The following RALYL variants were observed in gnomAD, a reference collection of about 807,000 sequenced individuals.
RALYL encodes the protein RNA-binding Raly-like protein.
In RALYL, 29 loss-of-function variants were observed where a neutral mutation model predicts 35.1. The observed-to-expected ratio is 0.83, with a 90% confidence interval of 0.61 to 1.13. The LOEUF (loss-of-function observed/expected upper bound fraction) is 1.13, where lower values mean the gene tolerates loss of function less well. RALYL is among the 50% of genes most tolerant of loss of function. The probability of loss-of-function intolerance (pLI) is 0.00; values close to 1 mark genes in which losing one functional copy is unlikely to be tolerated. For synonymous variants in RALYL, 120 were observed against 127.6 expected (o/e 0.94, Z 0.40); for missense variants, 359 against 360.4 (o/e 1.00, Z 0.03).
intron 2 of RALYL, among the ~76,000 whole-genome samples, chr8:84,665,327 G>T (rs1452355073): frequency 6.6e-6 from 1 of 151,896 alleles, no homozygotes; most frequent in Non-Finnish European, 1.5e-5. Flanking sequence ...GATGATTCTG[G>T]CCTCATAGAA....
chr8:84,494,645 TTC>T (rs1316208348), intron 1 of RALYL, among the ~76,000 whole-genome samples: 1 of 152,140 alleles, frequency 6.6e-6, no homozygotes. Context: ...AGATATTTTA[TTC>T]TCTTTGTAGC....
intron 2 of RALYL, among the ~76,000 whole-genome samples, chr8:84,609,602 G>A (rs1285808052): frequency 2.0e-5 from 3 of 152,094 alleles, no homozygotes; most frequent in Non-Finnish European, 2.9e-5. Flanking sequence ...TTTTTAAAAC[G>A]ATTTTTTGAA....
chr8:84,188,893 T>G (rs1813180349), intron 1 of RALYL, among the ~76,000 whole-genome samples: 1 of 152,210 alleles, frequency 6.6e-6, no homozygotes, highest in African/African-American at 2.4e-5. Flanking sequence ...TGTGTTTTTC[T>G]AAATTCTTCC....
Position 84,215,040 on chromosome 8 carries a change from G to A in RALYL, c.-24+30616G>A, listed in dbSNP as rs60249739. ...CCTGCCTCAGCCTCCCGAGTACCTG[G>A]GACTACAGGCACCCGCCACTGTGCC... is the stretch of plus-strand genomic sequence containing the variant. On this transcript the variant is annotated intron_variant, in intron 1 of 8. Coordinates refer to ENST00000521268, the MANE Select transcript of RALYL (RefSeq NM_173848.7). 8.5e-4 allele frequency among the ~76,000 whole-genome samples: 129 copies of A among 151,732 alleles called. 1 individual carries two copies. Among genetic ancestry groups the A allele is most frequent in the African/African-American group, 2.7e-3 (113 of 41,444 alleles).
At chr8:84,331,161 C>T (rs1846732409) in intron 1 of RALYL, among the ~76,000 whole-genome samples, 1 of 152,114 alleles carries the variant, frequency 6.6e-6, no homozygotes, top group African/African-American at 2.4e-5. Flanking sequence ...CCCAGCTCAT[C>T]AATCATCTCC....
intron 8 of RALYL, among the ~76,000 whole-genome samples, chr8:84,889,814 T>C (rs897391088): frequency 6.6e-6 from 1 of 152,140 alleles, no homozygotes; most frequent in African/African-American, 2.4e-5. Flanking sequence ...ACATAGTTAT[T>C]AAAACCAAAG....
At chr8:84,641,101 C>CT (rs535963597) in intron 2 of RALYL, among the ~76,000 whole-genome samples, 6 of 151,196 alleles carry the variant, frequency 4.0e-5, no homozygotes, top group African/African-American at 9.7e-5. Context: ...CATATAAACT[C>CT]TTTTTTCATA....
intron 2 of RALYL, among the ~76,000 whole-genome samples, chr8:84,538,889 T>C (rs1488486677): frequency 1.3e-5 from 2 of 152,192 alleles, no homozygotes; most frequent in African/African-American, 2.4e-5. Flanking sequence ...AAATAAAAAG[T>C]ATTATAAGGT....
At chr8:84,361,267 T>C (rs1343549687) in intron 1 of RALYL, among the ~76,000 whole-genome samples, 1 of 152,320 alleles carries the variant, frequency 6.6e-6, no homozygotes. Flanking sequence ...TCCATTAGAA[T>C]TACACAAGTT....
chr8:84,531,951 T>C (rs2059305380), intron 2 of RALYL, among the ~76,000 whole-genome samples: 1 of 152,094 alleles, frequency 6.6e-6, no homozygotes, highest in Non-Finnish European at 1.5e-5. Flanking sequence ...AGTTAAATTG[T>C]ACCTCTTCTA....
At chr8:84,830,346 A>G (rs1830639693) in intron 4 of RALYL, among the ~76,000 whole-genome samples, 1 of 152,018 alleles carries the variant, frequency 6.6e-6, no homozygotes, top group Non-Finnish European at 1.5e-5. Context: ...TTTCTAAGAA[A>G]TCTAAAGGTT....
intron 1 of RALYL, among the ~76,000 whole-genome samples, chr8:84,275,809 A>G (rs1835258034): frequency 6.6e-6 from 1 of 152,136 alleles, no homozygotes; most frequent in South Asian, 2.1e-4. Flanking sequence ...GAAATAGCCA[A>G]TCTAGTCAGT....
intron 1 of RALYL, among the ~76,000 whole-genome samples, chr8:84,298,662 G>T (rs1277113351): frequency 6.6e-6 from 1 of 151,862 alleles, no homozygotes; most frequent in East Asian, 1.9e-4. Flanking sequence ...GTCCATTTTA[G>T]CAGTATTGAT....
intron 8 of RALYL, among the ~76,000 whole-genome samples, chr8:84,895,383 G>A (rs1036330091): frequency 6.6e-6 from 1 of 151,352 alleles, no homozygotes; most frequent in Non-Finnish European, 1.5e-5. Flanking sequence ...ACTTTGTTAA[G>A]TCTTTTATGA....
chr8:84,691,891 A>T (rs1838131580), intron 2 of RALYL, among the ~76,000 whole-genome samples: 1 of 152,114 alleles, frequency 6.6e-6, no homozygotes, highest in Non-Finnish European at 1.5e-5. Flanking sequence ...CATAGAAAGT[A>T]TAAAATATCA....
At chr8:84,832,886 C>T (rs949821557) in intron 4 of RALYL, among the ~76,000 whole-genome samples, 2 of 152,072 alleles carry the variant, frequency 1.3e-5, no homozygotes, top group African/African-American at 2.4e-5. Context: ...TTAAAACATA[C>T]TAGAAGCTCA....
intron 5 of RALYL, among the ~76,000 whole-genome samples, chr8:84,856,755 G>A (rs912691950): frequency 2.6e-5 from 4 of 152,100 alleles, no homozygotes; most frequent in East Asian, 1.9e-4. Flanking sequence ...TGGGCCGGGC[G>A]CGGTGGCTCA....
intron 2 of RALYL, among the ~76,000 whole-genome samples, chr8:84,752,060 G>A (rs1477100502): frequency 6.6e-6 from 1 of 152,172 alleles, no homozygotes; most frequent in East Asian, 1.9e-4. Flanking sequence ...GAATTTCCTA[G>A]AGACTTGTCA....
chr8:84,617,787 G>C (rs1419745318), intron 2 of RALYL, among the ~76,000 whole-genome samples: 1 of 151,526 alleles, frequency 6.6e-6, no homozygotes, highest in African/African-American at 2.4e-5. Flanking sequence ...AATTTATTGA[G>C]AGTTTTTAGC....
Sources: gnomAD v4.1 joint callset for allele counts (sites outside exome capture counted in the v4.1 genomes callset) on GRCh38, gnomAD v4.1.1 for gene constraint, MANE v1.5 for transcripts, NCBI Gene and HGNC (gene_info 2026-07-23, HGNC 2026-07-21) for gene names.